Variants in NAIP observed in about 807,000 individuals in gnomAD.
The protein encoded by NAIP is baculoviral IAP repeat-containing protein 1.
Under a neutral mutation model 23.0 loss-of-function variants are expected in NAIP, and 15 were observed. The ratio of observed to expected loss-of-function variants is 0.65; its 90% confidence interval spans 0.44 to 1.00. The LOEUF is 1.00. NAIP is among the 50% of genes least tolerant of loss of function. The pLI is 0.00. For synonymous variants in NAIP, 100 were observed against 100.2 expected (o/e 1.00, Z 0.01); for missense variants, 265 against 278.8 (o/e 0.95, Z 0.35).
chr5:71,012,610 T>A lies in NAIP; in HGVS notation c.306A>T (p.Leu102=). The A allele has an allele frequency of 6.2e-7, 1 of 1,611,942 alleles. No homozygotes were observed. Among genetic ancestry groups the A allele is most frequent in the Non-Finnish European group, 8.5e-7 (1 of 1,178,502 alleles). ...TCGTGAGGCCGGCACCAAAGAGGAT[T>A]AGGCTACAGCAGAAGCACTGAATCC... The part of the protein sequence containing the change: ...KSGIQCFCCS[L]ILFGAGLTRL... The change falls in exon 4 of 17, where the codon CTA becomes CTT. Residue 102 remains leucine, a synonymous_variant. Coordinates refer to ENST00000517649, the MANE Select transcript of NAIP (RefSeq NM_004536.3).
In NAIP at chr5:71,012,801, C is replaced by T; in HGVS notation, c.115G>A (p.Glu39Lys). Residue 39 changes from glutamate to lysine, a missense_variant, in exon 4 of 17, where the codon GAA becomes AAA. Glu to Lys is a moderately conservative substitution (Grantham distance 56, BLOSUM62 1). This residue lies in a region of NAIP where 261 missense variants were observed against 259.2 expected (regional missense o/e 1.01). Transcript: ENST00000517649. ...GCTCGCTCCTTCTGCTCCTCTTCTT[C>T]TAGTTCCTTTGCCAACTGAACTGCA... Reference protein sequence around the residue: ...LDAVQLAKELEEEEQKERAKM... With the variant: ...LDAVQLAKELKEEEQKERAKM... 6.2e-7 allele frequency: 1 copy of T among 1,612,032 alleles called. No individual in the cohort carries two copies. Among genetic ancestry groups the T allele is most frequent in the Non-Finnish European group, 8.5e-7 (1 of 1,178,540 alleles).
In NAIP at chr5:71,012,448, G is replaced by C; in HGVS notation, c.468C>G (p.Tyr156Ter). The C allele has an allele frequency of 6.2e-7, 1 of 1,611,500 alleles. No individual in the cohort carries two copies. The change falls in exon 4 of 17, where the codon TAC becomes TAG. Residue 156 changes from tyrosine (Y) to a stop codon, truncating the protein, a stop_gained. Transcript: ENST00000517649. LOFTEE classifies it high-confidence loss of function. Reference sequence around the variant, plus strand: ...ACGCAAGTCTAGCCTCCTCTTCTTGGTACCTCATTTTACCTCCTCTCAGCC... The same window carrying C: ...ACGCAAGTCTAGCCTCCTCTTCTTGCTACCTCATTTTACCTCCTCTCAGCC... Reference protein sequence around the residue: ...KSRLRGGKMRYQEEEARLASF... With the variant: ...KSRLRGGKMR
intron 4 of NAIP, among the ~76,000 whole-genome samples, chr5:71,012,053 T>C (rs1325180814): frequency 6.6e-6 from 1 of 151,552 alleles, no homozygotes; most frequent in Non-Finnish European, 1.5e-5. Context: ...CCGCATGAGT[T>C]ATTTAATCTT....
intron 3 of NAIP, among the ~76,000 whole-genome samples, chr5:71,016,095 A>G (rs1417968816): frequency 6.7e-6 from 1 of 149,840 alleles, no homozygotes; most frequent in Non-Finnish European, 1.5e-5. Flanking sequence ...CCTGGGCAAC[A>G]TAGCTAGACC....
chr5:71,012,583 T>A lies in NAIP; in HGVS notation c.333A>T (p.Arg111Ser). 2 of 1,611,522 alleles carry A rather than the reference T, an allele frequency of 1.2e-6. No homozygotes were observed. The highest frequency in any genetic ancestry group is 8.5e-7 in the Non-Finnish European group (1 of 1,178,394). Residue 111 changes from arginine to serine, a missense_variant, in exon 4 of 17, where the codon AGA becomes AGT. Physicochemically the swap from Arg to Ser is moderately radical, Grantham distance 110. Coordinates refer to ENST00000517649, the MANE Select transcript of NAIP (RefSeq NM_004536.3). Reference protein sequence around the residue: ...SLILFGAGLTRLPIEDHKRFH... With the variant: ...SLILFGAGLTSLPIEDHKRFH... ...ACCTCTTGTGGTCTTCTATGGGGAG[T>A]CTCGTGAGGCCGGCACCAAAGAGGA...
chr5:71,009,498 C>A (rs549589884), intron 5 of NAIP, among the ~76,000 whole-genome samples: 1 of 151,316 alleles, frequency 6.6e-6, no homozygotes, highest in Non-Finnish European at 1.5e-5. Flanking sequence ...TCAGACCAGC[C>A]TGGGCAACAT....
intron 4 of NAIP, chr5:71,011,879 G>A (rs1023363543): frequency 1.1e-5 from 3 of 270,722 alleles, no homozygotes; most frequent in Non-Finnish European, 2.2e-5. Context: ...CTCAGTAAAT[G>A]ATCGTTGTTA....
intron 13 of NAIP, among the ~76,000 whole-genome samples, chr5:70,979,602 T>A (rs1454279713): frequency 1.9e-5 from 2 of 105,868 alleles, no homozygotes; most frequent in African/African-American, 4.4e-5. Context: ...ATAATAATAA[T>A]AATAATAATA....
intron 5 of NAIP, among the ~76,000 whole-genome samples, chr5:71,008,236 A>G (rs1490296058): frequency 6.8e-6 from 1 of 147,678 alleles, no homozygotes; most frequent in East Asian, 2.0e-4. Context: ...CGCCTGGCCA[A>G]TTTTTGTATT....
rs775935010 is a variant in NAIP at position 71,012,587 on chromosome 5, G to A, written c.329C>T (p.Thr110Met). The A allele has an allele frequency of 1.5e-5, 24 of 1,611,670 alleles. 2 individuals carry two copies. Among genetic ancestry groups the A allele is most frequent in the Middle Eastern group, 3.3e-4 (2 of 6,084 alleles). ...CSLILFGAGL[T>M]RLPIEDHKRF... ...CTTGTGGTCTTCTATGGGGAGTCTC[G>A]TGAGGCCGGCACCAAAGAGGATTAG... Residue 110 changes from threonine (T) to methionine (M), a missense_variant, in exon 4 of 17, where the codon ACG becomes ATG. Coordinates refer to ENST00000517649, the MANE Select transcript of NAIP (RefSeq NM_004536.3).
In NAIP at chr5:71,010,814, T is replaced by C. The variant is rs919226449; in HGVS notation, c.668+461A>G. ...ATTCTATAATTCAAACTTTTCACAA[T>C]GTAATTAGGCCTTTCCTGCTTGAAT... is the stretch of plus-strand genomic sequence containing the variant. On this transcript the variant is annotated intron_variant, in intron 5 of 16. Coordinates refer to ENST00000517649, the MANE Select transcript of NAIP (RefSeq NM_004536.3). Among the ~76,000 whole-genome samples, 3 of 151,408 alleles carry C rather than the reference T, an allele frequency of 2.0e-5. 1 individual carries two copies. The highest frequency in any genetic ancestry group is 3.9e-4 in the East Asian group (2 of 5,164).
chr5:71,013,441 A>G (rs1751266029), intron 3 of NAIP, among the ~76,000 whole-genome samples: 1 of 150,838 alleles, frequency 6.6e-6, no homozygotes, highest in Admixed American at 6.6e-5. Context: ...GATGGAGAAC[A>G]TCCTGGCTAA....
chr5:71,008,271 T>C (rs937466468), intron 5 of NAIP, among the ~76,000 whole-genome samples: 9 of 139,772 alleles, frequency 6.4e-5, no homozygotes, highest in Non-Finnish European at 9.4e-5. Context: ...GGTTTTACCA[T>C]GTTAGCCAGG....
chr5:71,010,792 C>T (rs1751114176), intron 5 of NAIP, among the ~76,000 whole-genome samples: 1 of 151,374 alleles, frequency 6.6e-6, no homozygotes, highest in African/African-American at 2.4e-5. Flanking sequence ...GTTTAAAATT[C>T]TATAATTCAA....
At chr5:71,009,500 G>C (rs1453904651) in intron 5 of NAIP, among the ~76,000 whole-genome samples, 1 of 151,232 alleles carries the variant, frequency 6.6e-6, no homozygotes, top group African/African-American at 2.4e-5. Flanking sequence ...AGACCAGCCT[G>C]GGCAACATGA....
intron 5 of NAIP, among the ~76,000 whole-genome samples, 193 bp downstream of exon 5, chr5:71,011,082 C>A (rs1039529796): frequency 6.0e-5 from 9 of 150,848 alleles, no homozygotes; most frequent in African/African-American, 2.2e-4. Context: ...AAAATACAAA[C>A]ATTAGCCCAT....
intron 8 of NAIP, among the ~76,000 whole-genome samples, chr5:71,000,450 G>A (rs1392136921): frequency 1.7e-5 from 2 of 117,484 alleles, no homozygotes; most frequent in African/African-American, 4.0e-5. Context: ...ATATTTAGCT[G>A]GGCACATTGT....
intron 4 of NAIP, chr5:71,011,827 A>C (rs1297035550): frequency 2.4e-6 from 1 of 411,238 alleles, no homozygotes; most frequent in Admixed American, 2.8e-5. Flanking sequence ...ATTGGATAAG[A>C]ATTAGTACTC....
In NAIP at chr5:70,996,891, A is replaced by T. The variant is rs941143812; in HGVS notation, c.1022+1833T>A. 2.5e-4 allele frequency among the ~76,000 whole-genome samples: 21 copies of T among 84,634 alleles called. No individual in the cohort carries two copies. In the South Asian group the frequency reaches 7.9e-3, roughly 32 times the overall value. 55.5% of individuals were successfully genotyped at this position (84,634 alleles called of 152,430 possible). A position where few individuals can be genotyped will look rare whatever the true frequency, so the allele number is the denominator to read the frequency against. ...GGGAAACCTCATACATTGTTGGTCA[A>T]ACTGTATGCTTCCATTTAGAGGAAA... On this transcript the variant is annotated intron_variant, in intron 9 of 16. Coordinates refer to ENST00000517649, the MANE Select transcript of NAIP (RefSeq NM_004536.3).
Sources: allele counts gnomAD v4.1 joint callset (sites outside exome capture counted in the v4.1 genomes callset), GRCh38; gene constraint gnomAD v4.1.1; regional missense constraint gnomAD v4.1.1; transcripts MANE v1.5; gene names NCBI Gene and HGNC (gene_info 2026-07-23, HGNC 2026-07-21).